RBFOX1: variants seen among roughly 807,000 people sequenced by gnomAD.
RBFOX1 encodes RNA binding protein fox-1 homolog 1.
In RBFOX1, 8 loss-of-function variants were observed where a neutral mutation model predicts 57.7. The observed-to-expected ratio is 0.14, with a 90% CI of 0.08 to 0.25. The LOEUF (loss-of-function observed/expected upper bound fraction) is 0.25. Among genes scored for constraint, RBFOX1 ranks in the 10% least tolerant of loss-of-function variants. The pLI is 1.00. For synonymous variants in RBFOX1, 326 were observed against 222.4 expected, an observed-to-expected ratio of 1.47 and a Z score of -4.15; for missense variants, 611 against 548.5, an observed-to-expected ratio of 1.11 and a Z score of -1.14.
intron 12 of RBFOX1, among the ~76,000 whole-genome samples, chr16:7,664,001 C>G (rs1234971160): frequency 2.6e-5 from 4 of 152,164 alleles, no homozygotes; most frequent in Non-Finnish European, 5.9e-5. Context: ...CTGGGATGGT[C>G]ACTACATGGG....
chr16:7,293,984 A>G (rs747137719), intron 4 of RBFOX1, among the ~76,000 whole-genome samples: 7 of 152,210 alleles, frequency 4.6e-5, no homozygotes, highest in Non-Finnish European at 1.0e-4. Context: ...CTTAATGACA[A>G]CTCATCTTGT....
chr16:6,751,734 C>A (rs1005859425), intron 3 of RBFOX1, among the ~76,000 whole-genome samples: 16 of 152,204 alleles, frequency 1.1e-4, no homozygotes, highest in African/African-American at 3.4e-4. Flanking sequence ...GCGGCATTTC[C>A]AGGAATTGAA....
chr16:7,431,469 G>C (rs564218422), intron 4 of RBFOX1, among the ~76,000 whole-genome samples: 88 of 152,172 alleles, frequency 5.8e-4, no homozygotes, highest in African/African-American at 1.9e-3. Flanking sequence ...TCAAGCTCCT[G>C]AACTCAAGTG....
chr16:6,484,067 C>G (rs966793050), intron 2 of RBFOX1, among the ~76,000 whole-genome samples: 7 of 152,162 alleles, frequency 4.6e-5, no homozygotes. Context: ...ATTTTCTTTA[C>G]CCACTGGAAG....
chr16:5,603,973 A>G (rs2047464977), downstream of RBFOX1, among the ~76,000 whole-genome samples: 2 of 148,308 alleles, frequency 1.3e-5, no homozygotes, highest in African/African-American at 5.0e-5. Context: ...CAATGGTGTC[A>G]TTCTCCCCTC....
chr16:7,348,397 ATT>A (rs377195906), intron 4 of RBFOX1, among the ~76,000 whole-genome samples: 13 of 148,806 alleles, frequency 8.7e-5, no homozygotes, highest in South Asian at 6.4e-4. Flanking sequence ...AAATTAATGA[ATT>A]TTTTTTTTTT....
At chr16:6,415,191 C>G (rs2093587599) in intron 2 of RBFOX1, among the ~76,000 whole-genome samples, 1 of 135,552 alleles carries the variant, frequency 7.4e-6, no homozygotes, top group South Asian at 2.4e-4. Flanking sequence ...TGCAGTGAGC[C>G]AAGACCATGC....
intron 2 of RBFOX1, among the ~76,000 whole-genome samples, chr16:6,434,130 G>C (rs916295539): frequency 1.3e-5 from 2 of 152,040 alleles, no homozygotes; most frequent in African/African-American, 2.4e-5. Flanking sequence ...TTACGGGTGT[G>C]AGCCACCGTG....
At chr16:6,808,047 C>G (rs1415081759) in intron 3 of RBFOX1, among the ~76,000 whole-genome samples, 4 of 149,954 alleles carry the variant, frequency 2.7e-5, no homozygotes, top group Non-Finnish European at 5.9e-5. Context: ...TGTATATATA[C>G]TATCCTATAC....
intron 2 of RBFOX1, among the ~76,000 whole-genome samples, chr16:5,483,990 G>C (rs146633294): frequency 0.013 from 1,981 of 152,150 alleles, 18 homozygotes; most frequent in Non-Finnish European, 0.021. Flanking sequence ...GAGCAATATA[G>C]TAAGACCCTG....
intron 3 of RBFOX1, among the ~76,000 whole-genome samples, chr16:6,818,213 C>G (rs189653190): frequency 6.6e-6 from 1 of 152,164 alleles, no homozygotes; most frequent in East Asian, 1.9e-4. Context: ...GACAGTTTGG[C>G]CAACGAAATG....
chr16:5,636,632 C>A (rs2048694383), intron 3 of RBFOX1, among the ~76,000 whole-genome samples: 1 of 152,128 alleles, frequency 6.6e-6, no homozygotes. Flanking sequence ...AGCTTGACAG[C>A]CAACTTTCGT....
chr16:6,406,462 A>G lies in RBFOX1; in HGVS notation c.-64+89405A>G, dbSNP rs75433978. Among the ~76,000 whole-genome samples, 2,506 of 152,326 alleles carry G rather than the reference A, an allele frequency of 0.016. 166 individuals carry two copies. The East Asian group carries it at 0.23, about 14-fold the overall frequency. ...TGAAGAGTTCTTTGCTATTAAAAAT[A>G]GGAAAATTTTATTACTTTCCTACAT... On this transcript the variant is annotated intron_variant, in intron 2 of 15. Coordinates refer to ENST00000550418, the MANE Select transcript of RBFOX1 (RefSeq NM_018723.4).
intron 3 of RBFOX1, among the ~76,000 whole-genome samples, chr16:7,034,848 C>CTTTTTTTTTT (rs58405378): frequency 2.3e-4 from 7 of 30,826 alleles, no homozygotes; most frequent in South Asian, 2.1e-3. Flanking sequence ...TTTCTTTTTT[C>CTTTTTTTTTT]TTTTTTTTTT....
chr16:6,836,794 G>C (rs774762525), intron 3 of RBFOX1, among the ~76,000 whole-genome samples: 6 of 152,130 alleles, frequency 3.9e-5, no homozygotes, highest in Non-Finnish European at 8.8e-5. Context: ...TCTGTAATTA[G>C]AAAGTACAGA....
chr16:6,552,966 A>T (rs980149982), intron 2 of RBFOX1, among the ~76,000 whole-genome samples: 2 of 152,258 alleles, frequency 1.3e-5, no homozygotes, highest in East Asian at 3.9e-4. Flanking sequence ...AATTTTTTAA[A>T]AAGTATCTAA....
chr16:6,729,637 C>G (rs529370837), intron 3 of RBFOX1, among the ~76,000 whole-genome samples: 1 of 152,050 alleles, frequency 6.6e-6, no homozygotes, highest in Non-Finnish European at 1.5e-5. Context: ...TAGAAAGTAC[C>G]TCATTCTCTT....
At chr16:6,806,419 C>G (rs892168556) in intron 3 of RBFOX1, among the ~76,000 whole-genome samples, 6 of 152,096 alleles carry the variant, frequency 3.9e-5, no homozygotes, top group Non-Finnish European at 8.8e-5. Context: ...ACATTTGCAT[C>G]TTTTTCAAAT....
At chr16:6,270,468 A>T (rs1287656027) in intron 1 of RBFOX1, among the ~76,000 whole-genome samples, 1 of 152,002 alleles carries the variant, frequency 6.6e-6, no homozygotes, top group Non-Finnish European at 1.5e-5. Context: ...AGCAAAAAAA[A>T]AAAAAAACAA....
Sources: gnomAD v4.1 joint callset for allele counts (sites outside exome capture counted in the v4.1 genomes callset) on GRCh38, gnomAD v4.1.1 for gene constraint, MANE v1.5 for transcripts, NCBI Gene and HGNC (gene_info 2026-07-23, HGNC 2026-07-21) for gene names.